EPB42: variants seen among roughly 807,000 people sequenced by gnomAD.
EPB42 encodes the protein protein 4.2.
In EPB42, 49 loss-of-function variants were observed where a neutral mutation model predicts 76.9. That is an observed-to-expected ratio of 0.64 (90% CI 0.51 to 0.81). The LOEUF is 0.81. Among genes scored for constraint, EPB42 ranks in the 30% least tolerant of loss-of-function variants. The probability of loss-of-function intolerance (pLI) is 0.00; values close to 1 mark genes in which losing one functional copy is unlikely to be tolerated. For missense variants in EPB42, 731 were observed against 867.6 expected (o/e 0.84, Z 1.98); for synonymous variants, 310 against 338.4 (o/e 0.92, Z 0.92).
chr15:43,219,578 A>G (rs1365395359), intron 1 of EPB42, among the ~76,000 whole-genome samples: 1 of 152,236 alleles, frequency 6.6e-6, no homozygotes, highest in African/African-American at 2.4e-5. Context: ...GTTTGGGACT[A>G]GACTAAACAA....
Position 43,206,809 on chromosome 15 carries a change from G to A in EPB42, c.1319-180C>T, listed in dbSNP as rs188210272. Among the ~76,000 whole-genome samples the A allele has an allele frequency of 2.1e-3, 316 of 152,220 alleles. 1 individual carries two copies. The highest frequency in any genetic ancestry group is 3.4e-3 in the Middle Eastern group (1 of 294). ...GTCTGTGTCAGGCAGCTCCACCACC[G>A]ATACAGTGTGTCTCTTCCAAACCAC... On this transcript the variant is annotated intron_variant, in intron 9 of 12. Transcript: ENST00000441366. This position sits in a 1 kb window ranked among gnomAD's most constrained non-coding sequence, Gnocchi z 4.7.
chr15:43,207,093 T>C (rs1158952507), intron 9 of EPB42, 106 bp downstream of exon 9: 27 of 1,531,020 alleles, frequency 1.8e-5, no homozygotes, highest in South Asian at 3.4e-5. Context: ...TTTTATATGA[T>C]GCGGAAAGGA....
intron 1 of EPB42, among the ~76,000 whole-genome samples, chr15:43,217,060 G>C (rs1192179696): frequency 6.6e-6 from 1 of 152,192 alleles, no homozygotes; most frequent in Non-Finnish European, 1.5e-5. Context: ...TATTACAACA[G>C]TCTGTTAATC....
chr15:43,209,951 T>G (rs1297790500), intron 5 of EPB42, among the ~76,000 whole-genome samples: 1 of 152,230 alleles, frequency 6.6e-6, no homozygotes, highest in Non-Finnish European at 1.5e-5. Flanking sequence ...ATGGTCTGCA[T>G]ATTCTTATGA....
At chr15:43,203,619 G>A (rs2042159864) in intron 10 of EPB42, among the ~76,000 whole-genome samples, 2 of 152,140 alleles carry the variant, frequency 1.3e-5, no homozygotes, top group African/African-American at 2.4e-5. Flanking sequence ...TTTTGTTTTA[G>A]AGACAGGGTC....
intron 1 of EPB42, among the ~76,000 whole-genome samples, chr15:43,217,424 C>G (rs1414653270): frequency 2.0e-5 from 3 of 152,006 alleles, no homozygotes; most frequent in Non-Finnish European, 4.4e-5. Flanking sequence ...TACCCCATCT[C>G]AGGTATGTCT....
chr15:43,219,644 T>C (rs1266688445), intron 1 of EPB42, among the ~76,000 whole-genome samples: 1 of 152,208 alleles, frequency 6.6e-6, no homozygotes, highest in Non-Finnish European at 1.5e-5. Context: ...GTCTGGTCTC[T>C]ACAGAATAAA....
upstream of EPB42, among the ~76,000 whole-genome samples, chr15:43,223,532 T>C (rs2042480886): frequency 1.3e-5 from 2 of 152,202 alleles, no homozygotes; most frequent in South Asian, 4.1e-4. Context: ...CAGCCTCATT[T>C]AATAAAAATG....
At chr15:43,220,706 A>T in intron 1 of EPB42, 110 bp downstream of exon 1, 1 of 1,465,154 alleles carries the variant, frequency 6.8e-7, no homozygotes, top group Non-Finnish European at 9.1e-7. Flanking sequence ...CCATAGTTAT[A>T]CCACCATCTC....
chr15:43,218,337 T>C (rs113125107), intron 1 of EPB42, among the ~76,000 whole-genome samples: 76 of 152,232 alleles, frequency 5.0e-4, no homozygotes, highest in African/African-American at 1.8e-3. Flanking sequence ...CTAGAATTCA[T>C]TTGGATTCTT....
At chr15:43,201,105 G>A (rs577341439) in intron 12 of EPB42, among the ~76,000 whole-genome samples, 8 of 152,104 alleles carry the variant, frequency 5.3e-5, no homozygotes, top group Non-Finnish European at 1.0e-4. Context: ...GTGAGCCACC[G>A]GGCCTGGCCA....
Position 43,206,651 on chromosome 15 carries a change from G to T in EPB42, c.1319-22C>A. On this transcript the variant is annotated intron_variant, in intron 9 of 12. Coordinates refer to ENST00000441366, the MANE Select transcript of EPB42 (RefSeq NM_001114134.2). The surrounding 1 kb of genome is among the most constrained non-coding windows in gnomAD (Gnocchi z 4.7). ...GACCCTGGAGAAGGGAAGAAACAAAGCTGACCTTTTACCCGGGTGGTATAA... is the reference window on the plus strand; with the variant it reads ...GACCCTGGAGAAGGGAAGAAACAAATCTGACCTTTTACCCGGGTGGTATAA... 1.9e-6 allele frequency: 3 copies of T among 1,614,028 alleles called. No individual in the cohort carries two copies. The highest frequency in any genetic ancestry group is 1.7e-5 in the Admixed American group (1 of 60,024).
At position 43,215,107 on chromosome 15, in the gene EPB42, G is replaced by T. The variant is rs145732270; in HGVS notation, c.418C>A (p.Pro140Thr). ...GGTCCAAACTTACCTCTATTCCAGG[G>T]GTTAAAAAGCAGTGTGAACTGACCC... is the stretch of plus-strand genomic sequence containing the variant. ...LLGQFTLLFN[P>T]WNREDAVFLK... Residue 140 changes from proline to threonine, a missense_variant, in exon 3 of 13, where the codon CCC (proline) becomes ACC (threonine). Physicochemically the swap from Pro to Thr is conservative, Grantham distance 38. Coordinates refer to ENST00000441366, the MANE Select transcript of EPB42 (RefSeq NM_001114134.2). 9 of 1,613,952 alleles carry T rather than the reference G, an allele frequency of 5.6e-6. No individual in the cohort carries two copies. In the African/African-American group the frequency reaches 1.1e-4, roughly 19 times the overall value.
intron 1 of EPB42, among the ~76,000 whole-genome samples, chr15:43,219,405 AG>A (rs1343313628): frequency 4.6e-5 from 7 of 152,192 alleles, no homozygotes; most frequent in African/African-American, 1.7e-4. Flanking sequence ...CTGGTTCACA[AG>A]GTTCCTCAAA....
At position 43,207,364 on chromosome 15, in the gene EPB42, G is replaced by T. The variant is rs1596408490; in HGVS notation, c.1153C>A (p.Leu385Ile). ...CATGAGGCATTTATGGCAGCAAAAA[G>T]GTCTGACACTGCTGGGGTCAGCCCC... ...TLGLTPAVSDLFAAINASCVV... is the reference protein window; with the variant it reads ...TLGLTPAVSDIFAAINASCVV... Residue 385 changes from leucine to isoleucine, a missense_variant, in exon 9 of 13, where the codon CTT (leucine) becomes ATT (isoleucine). Leu to Ile is a conservative substitution (Grantham distance 5). Coordinates refer to ENST00000441366, the MANE Select transcript of EPB42 (RefSeq NM_001114134.2). The T allele has an allele frequency of 1.2e-6, 2 of 1,614,194 alleles. No individual in the cohort carries two copies. Among genetic ancestry groups the T allele is most frequent in the East Asian group, 4.5e-5 (2 of 44,882 alleles).
At chr15:43,216,156 C>A (rs145263712) in intron 2 of EPB42, 112 bp downstream of exon 2, 3 of 1,339,174 alleles carry the variant, frequency 2.2e-6, no homozygotes, top group Non-Finnish European at 3.1e-6. Context: ...GGACTTCTTA[C>A]GGCCCAGCTG....
intron 3 of EPB42, 144 bp downstream of exon 3, chr15:43,214,951 G>T: frequency 1.3e-6 from 1 of 767,622 alleles, no homozygotes; most frequent in Non-Finnish European, 2.2e-6. Flanking sequence ...CAGGGAGAAA[G>T]CCCTGGCACA....
At chr15:43,216,087 C>A (rs541655174) in intron 2 of EPB42, among the ~76,000 whole-genome samples, 181 bp downstream of exon 2, 1 of 152,252 alleles carries the variant, frequency 6.6e-6, no homozygotes, top group Admixed American at 6.5e-5. Context: ...TCATCATAAA[C>A]AATATTTACC....
In EPB42 at chr15:43,206,035, G is replaced by A. The variant is rs573049038; in HGVS notation, c.1618+295C>T. 1.1e-4 allele frequency: 37 copies of A among 335,006 alleles called. No homozygotes were observed. The highest frequency in any genetic ancestry group is 1.7e-4 in the Admixed American group (4 of 23,200). The allele number at this position is 335,006 out of a possible 1,614,324, so 20.8% of individuals were successfully genotyped here. The stretch of plus-strand genomic sequence containing the variant: ...ATTTGGGGGCAGCTTATTCCAGCCT[G>A]GGGGGAGGTGCTCTCCTGCCACTGT... On this transcript the variant is annotated intron_variant, in intron 10 of 12. Coordinates refer to ENST00000441366, the MANE Select transcript of EPB42 (RefSeq NM_001114134.2). This position sits in a 1 kb window ranked among gnomAD's most constrained non-coding sequence, Gnocchi z 4.7.
Sources: allele counts gnomAD v4.1 joint callset (sites outside exome capture counted in the v4.1 genomes callset), GRCh38; gene constraint gnomAD v4.1.1; non-coding constraint Gnocchi (gnomAD v3.1); transcripts MANE v1.5; gene names NCBI Gene and HGNC (gene_info 2026-07-23, HGNC 2026-07-21).